Variants in ALDH1A1 observed in about 807,000 individuals in gnomAD.
ALDH1A1 encodes the protein aldehyde dehydrogenase 1A1.
Under a neutral mutation model 62.1 loss-of-function variants are expected in ALDH1A1, and 19 were observed. The observed-to-expected ratio is 0.31, with a 90% CI of 0.21 to 0.45. The LOEUF (loss-of-function observed/expected upper bound fraction) is 0.45. Ranked by LOEUF, ALDH1A1 falls within the 20% of genes least tolerant of loss-of-function variation. ALDH1A1 has a pLI of 1.00. For synonymous variants in ALDH1A1, 231 were observed against 215.9 expected, an observed-to-expected ratio of 1.07 and a Z score of -0.61; for missense variants, 521 against 607.1, an observed-to-expected ratio of 0.86 and a Z score of 1.49.
chr9:72,949,221 C>G (rs1022207650), intron 1 of ALDH1A1, among the ~76,000 whole-genome samples: 4 of 151,924 alleles, frequency 2.6e-5, no homozygotes, highest in Non-Finnish European at 2.9e-5. Flanking sequence ...AAACCTATTT[C>G]CTTTCAATTT....
At chr9:72,912,536 T>G (rs1830005485) in intron 9 of ALDH1A1, among the ~76,000 whole-genome samples, 1 of 152,128 alleles carries the variant, frequency 6.6e-6, no homozygotes, top group South Asian at 2.1e-4. Context: ...TTTAATTAGA[T>G]CTGTTGGGAA....
chr9:72,908,196 G>T (rs959864019), intron 11 of ALDH1A1, among the ~76,000 whole-genome samples: 3 of 151,912 alleles, frequency 2.0e-5, no homozygotes, highest in Admixed American at 6.6e-5. Flanking sequence ...AAGGCGGATG[G>T]ATCACTTGAG....
At chr9:72,943,767 G>T (rs1047084950) in intron 1 of ALDH1A1, among the ~76,000 whole-genome samples, 3 of 152,096 alleles carry the variant, frequency 2.0e-5, no homozygotes, top group African/African-American at 7.2e-5. Context: ...GTTAGCCATG[G>T]CCTCTGCTCT....
intron 1 of ALDH1A1, among the ~76,000 whole-genome samples, chr9:72,951,187 G>T (rs1289142091): frequency 6.6e-6 from 1 of 151,910 alleles, no homozygotes; most frequent in Non-Finnish European, 1.5e-5. Context: ...ACTTAGGTCA[G>T]TCACTTTCCC....
intron 7 of ALDH1A1, 162 bp downstream of exon 7, chr9:72,923,857 C>T (rs1349871785): frequency 1.7e-5 from 8 of 457,256 alleles, no homozygotes; most frequent in African/African-American, 1.2e-4. Context: ...CAAACTACAT[C>T]TGCTTATATT....
chr9:72,912,003 T>C lies in ALDH1A1; in HGVS notation c.1155A>G (p.Thr385=). Residue 385 remains threonine, a synonymous_variant, in exon 10 of 13, where the codon ACA becomes ACG. Coordinates refer to ENST00000297785, the MANE Select transcript of ALDH1A1 (RefSeq NM_000689.5). ...TCTCATCTGTAACATTAGAGAACAC[T>C]GTGGGCTGGACAAAGTAGCCTTTAT... ...WGNKGYFVQP[T]VFSNVTDEMR... The C allele has an allele frequency of 6.2e-7, 1 of 1,613,996 alleles. No homozygotes were observed. The highest frequency in any genetic ancestry group is 1.1e-5 in the South Asian group (1 of 91,070).
intron 9 of ALDH1A1, 96 bp from the exon 10 acceptor site, chr9:72,912,218 T>G: frequency 1.0e-6 from 1 of 983,118 alleles, no homozygotes; most frequent in Non-Finnish European, 1.5e-6. Context: ...AATGCTAAAA[T>G]ATTGCAATTA....
At chr9:72,908,903 A>G (rs1829941588) in intron 11 of ALDH1A1, among the ~76,000 whole-genome samples, 1 of 152,184 alleles carries the variant, frequency 6.6e-6, no homozygotes, top group African/African-American at 2.4e-5. Flanking sequence ...TTTCAAAAAT[A>G]ACTTCAATTA....
intron 12 of ALDH1A1, among the ~76,000 whole-genome samples, chr9:72,904,359 G>A (rs1407230241): frequency 6.6e-6 from 1 of 152,036 alleles, no homozygotes; most frequent in Non-Finnish European, 1.5e-5. Context: ...TTCTTAATCT[G>A]TATCATATGT....
chr9:72,918,751 C>G lies in ALDH1A1; in HGVS notation c.819G>C (p.Lys273Asn). 1.2e-6 allele frequency: 2 copies of G among 1,611,608 alleles called. No individual in the cohort carries two copies. The highest frequency in any genetic ancestry group is 1.7e-6 in the Non-Finnish European group (2 of 1,179,270). Residue 273 changes from lysine to asparagine, a missense_variant, in exon 8 of 13, where the codon AAG (lysine) becomes AAC (asparagine). Physicochemically the swap from Lys to Asn is moderately conservative, Grantham distance 94. Transcript: ENST00000297785. ...LKRVTLELGG[K>N]SPCIVLADAD... is the part of the protein sequence containing the mutation. The stretch of plus-strand genomic sequence containing the variant: ...CATCAGCTAACACAATGCAAGGGCT[C>G]TTTCCTCCAAGCTCCAGGGTCACCC...
chr9:72,903,398 G>T (rs1314866971), intron 12 of ALDH1A1, among the ~76,000 whole-genome samples: 3 of 151,832 alleles, frequency 2.0e-5, no homozygotes, highest in African/African-American at 7.2e-5. Flanking sequence ...ACCATTTTTC[G>T]CTCTTTGAGG....
intron 1 of ALDH1A1, among the ~76,000 whole-genome samples, chr9:72,949,584 A>G (rs1003381690): frequency 1.3e-5 from 2 of 151,750 alleles, no homozygotes; most frequent in African/African-American, 2.4e-5. Context: ...AAATAAAATC[A>G]TTGTCAAGAA....
intron 2 of ALDH1A1, among the ~76,000 whole-genome samples, chr9:72,935,952 T>G (rs1038881338): frequency 9.2e-5 from 14 of 152,180 alleles, no homozygotes; most frequent in African/African-American, 3.4e-4. Flanking sequence ...AATAATTATT[T>G]AAAAATATGT....
intron 1 of ALDH1A1, among the ~76,000 whole-genome samples, chr9:72,948,260 G>C (rs1476063689): frequency 6.6e-6 from 1 of 151,958 alleles, no homozygotes; most frequent in African/African-American, 2.4e-5. Context: ...ACAAAATATT[G>C]CTTCAGTTGG....
intron 11 of ALDH1A1, among the ~76,000 whole-genome samples, chr9:72,906,734 G>A (rs745762868): frequency 6.6e-6 from 1 of 152,118 alleles, no homozygotes; most frequent in Non-Finnish European, 1.5e-5. Context: ...CTTTAAATTT[G>A]CTGGTGGCCA....
At chr9:72,931,448 T>G (rs1359839164) in intron 2 of ALDH1A1, among the ~76,000 whole-genome samples, 1 of 152,222 alleles carries the variant, frequency 6.6e-6, no homozygotes, top group African/African-American at 2.4e-5. Context: ...TAACTAAAAG[T>G]GGCTGAACTG....
Position 72,901,242 on chromosome 9 carries a change from G to T in ALDH1A1, c.1472C>A (p.Thr491Lys), listed in dbSNP as rs1015191545. 1 of 1,610,358 alleles carries T rather than the reference G, an allele frequency of 6.2e-7. No homozygotes were observed. Among genetic ancestry groups the T allele is most frequent in the Non-Finnish European group, 8.5e-7 (1 of 1,178,124 alleles). The change falls in exon 13 of 13, where the codon ACA (threonine) becomes AAA (lysine). Residue 491 changes from threonine to lysine, a missense_variant. Coordinates refer to ENST00000297785, the MANE Select transcript of ALDH1A1 (RefSeq NM_000689.5). ...YGFHEYTEVK[T>K]VTVKISQKNS ...CTTCTGAGAGATTTTCACTGTGACT[G>T]TTTTGACCTCTGTATATTCATGGAA... is the stretch of plus-strand genomic sequence containing the variant.
chr9:72,905,824 T>C, intron 12 of ALDH1A1, 134 bp downstream of exon 12: 1 of 654,844 alleles, frequency 1.5e-6, no homozygotes, highest in Non-Finnish European at 2.6e-6. Flanking sequence ...TTTAATAAGC[T>C]ATTTGGTGCT....
At chr9:72,952,760 GA>G (rs1397677063) in intron 1 of ALDH1A1, among the ~76,000 whole-genome samples, 174 bp downstream of exon 1, 1 of 152,006 alleles carries the variant, frequency 6.6e-6, no homozygotes, top group Non-Finnish European at 1.5e-5. Flanking sequence ...TGTCTGATAT[GA>G]TTTAGATCAT....
Sources: gnomAD v4.1 joint callset for allele counts (sites outside exome capture counted in the v4.1 genomes callset) on GRCh38, gnomAD v4.1.1 for gene constraint, MANE v1.5 for transcripts, NCBI Gene and HGNC (gene_info 2026-07-23, HGNC 2026-07-21) for gene names.